RIN3: variants seen among roughly 807,000 people sequenced by gnomAD.
RIN3 encodes RAB5 interacting protein 3.
In RIN3, 54 loss-of-function variants were observed where a neutral mutation model predicts 76.3. That is an observed-to-expected ratio of 0.71 (90% CI 0.57 to 0.89). The LOEUF (loss-of-function observed/expected upper bound fraction) is 0.89. Ranked by LOEUF, RIN3 falls within the 40% of genes least tolerant of loss-of-function variation. The pLI, the probability that RIN3 is intolerant of heterozygous loss-of-function variation, is 0.00. For synonymous variants in RIN3, 576 were observed against 564.0 expected, an observed-to-expected ratio of 1.02 and a Z score of -0.30; for missense variants, 1,256 against 1,322.1, an observed-to-expected ratio of 0.95 and a Z score of 0.78.
At position 92,514,031 on chromosome 14, in the gene RIN3, G is replaced by A; in HGVS notation, c.44+55G>A. On this transcript the variant is annotated intron_variant, in intron 1 of 9. Coordinates refer to ENST00000216487, the MANE Select transcript of RIN3 (RefSeq NM_024832.5). This position sits in a 1 kb window ranked among gnomAD's most constrained non-coding sequence, Gnocchi z 7.2. Reference sequence around the variant, plus strand: ...TCGCGATCCCCACGGCCCGCGTCCTGGCCGCCCCACTCCACTTCTTGTCCC... The same window carrying A: ...TCGCGATCCCCACGGCCCGCGTCCTAGCCGCCCCACTCCACTTCTTGTCCC... 1 of 1,144,536 alleles carries A rather than the reference G, an allele frequency of 8.7e-7. No homozygotes were observed. The highest frequency in any genetic ancestry group is 1.1e-6 in the Non-Finnish European group (1 of 906,548). The allele number at this position is 1,144,536 out of a possible 1,614,324, so 70.9% of individuals were successfully genotyped here. A position where few individuals can be genotyped will look rare whatever the true frequency, so the allele number is the denominator to read the frequency against.
At chr14:92,662,836 A>T (rs201792057) in intron 7 of RIN3, among the ~76,000 whole-genome samples, 54 of 148,628 alleles carry the variant, frequency 3.6e-4, no homozygotes, top group Admixed American at 1.7e-3. Flanking sequence ...AAACAGCATG[A>T]TTTTTTTTTT....
At chr14:92,654,005 G>A (rs769762314) in intron 6 of RIN3, among the ~76,000 whole-genome samples, 73 of 151,778 alleles carry the variant, frequency 4.8e-4, no homozygotes, top group Non-Finnish European at 8.8e-4. Flanking sequence ...GTGACAGAGC[G>A]AAACCCTGTC....
At chr14:92,642,499 T>C (rs1887052725) in intron 5 of RIN3, among the ~76,000 whole-genome samples, 1 of 152,168 alleles carries the variant, frequency 6.6e-6, no homozygotes, top group Admixed American at 6.5e-5. Flanking sequence ...GTCACATTTA[T>C]GAACAAAGCA....
chr14:92,555,939 AC>A lies in RIN3; in HGVS notation c.235del (p.Arg79GlyfsTer27). 6.2e-7 allele frequency: 1 copy of A among 1,612,482 alleles called. No individual in the cohort carries two copies. ...LGQAEVARIL[H>X]RVVAGMFLVR... ...CAGGCAGAGGTGGCCAGGATCCTGC[AC>A]CGGGTGGTGGCTGGGGTGAGTGGGG... On this transcript the variant is annotated frameshift_variant, in exon 2 of 10. Coordinates refer to ENST00000216487, the MANE Select transcript of RIN3 (RefSeq NM_024832.5). LOFTEE classifies it high-confidence loss of function.
intron 4 of RIN3, among the ~76,000 whole-genome samples, chr14:92,621,412 G>T (rs1488713122): frequency 6.6e-6 from 1 of 152,104 alleles, no homozygotes; most frequent in Non-Finnish European, 1.5e-5. Flanking sequence ...GAGAACATGT[G>T]CCCAAGGTGG....
chr14:92,592,649 T>C (rs1233184712), intron 3 of RIN3, among the ~76,000 whole-genome samples: 1 of 14,910 alleles, frequency 6.7e-5, no homozygotes, highest in Non-Finnish European at 1.1e-4. Flanking sequence ...TTTGTATTAT[T>C]ATTATTATTA....
At chr14:92,570,901 G>GGAA (rs1339589480) in intron 2 of RIN3, among the ~76,000 whole-genome samples, 2 of 152,214 alleles carry the variant, frequency 1.3e-5, no homozygotes, top group Non-Finnish European at 2.9e-5. Context: ...CTACAACCTA[G>GGAA]GAAGATTACT....
chr14:92,615,313 G>C lies in RIN3; in HGVS notation c.368-94G>C, dbSNP rs1167877459. On this transcript the variant is annotated intron_variant, in intron 3 of 9. Transcript: ENST00000216487. ...CATGGGACCCAGAATGTGTGCAGCAGACACGCCCCCCGACCCCATCCTTGC... is the reference window on the plus strand; with the variant it reads ...CATGGGACCCAGAATGTGTGCAGCACACACGCCCCCCGACCCCATCCTTGC... The C allele has an allele frequency of 1.2e-5, 12 of 1,011,154 alleles. 1 individual carries two copies. The South Asian group carries it at 1.6e-4, about 13-fold the overall frequency. 62.6% of individuals were successfully genotyped at this position (1,011,154 alleles called of 1,614,324 possible). A position where few individuals can be genotyped will look rare whatever the true frequency, so the allele number is the denominator to read the frequency against.
rs58288914 is a variant in RIN3 at position 92,629,117 on chromosome 14, AAGAGAGAGAGAGAGAGAGAGAG to A, written c.441-12105_441-12084del. Among the ~76,000 whole-genome samples the A allele has an allele frequency of 1.5e-3, 219 of 145,382 alleles. 2 individuals carry two copies. Among genetic ancestry groups the A allele is most frequent in the African/African-American group, 5.2e-3 (205 of 39,086 alleles). On this transcript the variant is annotated intron_variant, in intron 4 of 9. Transcript: ENST00000216487. ...CCAAGGGTCCTGAGTCGGAAAGGAA[AAGAGAGAGAGAGAGAGAGAGAG>A]AGAGAGAGAGAGAGATTGATTGATT...
chr14:92,687,004 T>G (rs1888883077), intron 9 of RIN3: 1 of 152,246 alleles, frequency 6.6e-6, no homozygotes, highest in Non-Finnish European at 1.5e-5. Flanking sequence ...CATCACGGTC[T>G]CCGCCGAGCC....
intron 2 of RIN3, among the ~76,000 whole-genome samples, chr14:92,560,792 G>C (rs1229943432): frequency 6.6e-6 from 1 of 151,748 alleles, no homozygotes; most frequent in African/African-American, 2.4e-5. Flanking sequence ...GCCAAGGCGG[G>C]TGGATCACCT....
At chr14:92,581,738 G>T (rs891610417) in intron 3 of RIN3, among the ~76,000 whole-genome samples, 2 of 152,158 alleles carry the variant, frequency 1.3e-5, no homozygotes, top group African/African-American at 2.4e-5. Context: ...TGAAAAACCA[G>T]AGCTGGATGG....
chr14:92,564,627 C>T (rs139238920), intron 2 of RIN3, among the ~76,000 whole-genome samples: 82 of 152,326 alleles, frequency 5.4e-4, no homozygotes, highest in East Asian at 5.0e-3. Flanking sequence ...ACCCTCAGCC[C>T]GTTGCTCTTA....
At chr14:92,633,869 G>GTGTGTGTGTGTTTGTA (rs1886677788) in intron 4 of RIN3, among the ~76,000 whole-genome samples, 1 of 151,726 alleles carries the variant, frequency 6.6e-6, no homozygotes, top group Admixed American at 6.6e-5. Context: ...GTGTGTGTGT[G>GTGTGTGTGTGTTTGTA]TGTGTGTGTG....
At chr14:92,556,530 A>G (rs1897587604) in intron 2 of RIN3, among the ~76,000 whole-genome samples, 1 of 152,050 alleles carries the variant, frequency 6.6e-6, no homozygotes, top group Non-Finnish European at 1.5e-5. Flanking sequence ...ATTGCATGGG[A>G]AGATAGATGA....
At chr14:92,682,929 G>A (rs1252148997) in intron 8 of RIN3, among the ~76,000 whole-genome samples, 1 of 152,198 alleles carries the variant, frequency 6.6e-6, no homozygotes, top group African/African-American at 2.4e-5. Context: ...TCTTTGGGAG[G>A]CCAAGGCGGG....
At chr14:92,521,220 C>T (rs772546997) in intron 1 of RIN3, among the ~76,000 whole-genome samples, 9 of 151,772 alleles carry the variant, frequency 5.9e-5, no homozygotes, top group East Asian at 1.9e-4. Flanking sequence ...CACCCTCCCA[C>T]GCTTCTATCC....
chr14:92,665,104 A>G (rs1888039673), intron 7 of RIN3, among the ~76,000 whole-genome samples: 1 of 152,220 alleles, frequency 6.6e-6, no homozygotes, highest in African/African-American at 2.4e-5. Context: ...ACAAACCTAG[A>G]TGGCACAGCC....
rs1896356077 is a variant in RIN3 at position 92,513,796 on chromosome 14, C to T, written c.-137C>T. 2.2e-6 allele frequency: 1 copy of T among 453,732 alleles called. No homozygotes were observed. The highest frequency in any genetic ancestry group is 3.8e-5 in the East Asian group (1 of 26,576). 28.1% of individuals were successfully genotyped at this position (453,732 alleles called of 1,614,324 possible). On this transcript the variant is annotated 5_prime_UTR_variant, in exon 1 of 10. Coordinates refer to ENST00000216487, the MANE Select transcript of RIN3 (RefSeq NM_024832.5). ...TACAGGAAGTAGAAGGGAGCGAGAGCCCCAGAGCGCGGCGGCAGCGGCGGC... is the reference window on the plus strand; with the variant it reads ...TACAGGAAGTAGAAGGGAGCGAGAGTCCCAGAGCGCGGCGGCAGCGGCGGC...
Sources: gnomAD v4.1 joint callset for allele counts (sites outside exome capture counted in the v4.1 genomes callset) on GRCh38, gnomAD v4.1.1 for gene constraint, Gnocchi (gnomAD v3.1) non-coding constraint, MANE v1.5 for transcripts, NCBI Gene and HGNC (gene_info 2026-07-23, HGNC 2026-07-21) for gene names.